The following CDC37 variants were observed in gnomAD, a reference collection of about 807,000 sequenced individuals.
The protein encoded by CDC37 is hsp90 co-chaperone Cdc37.
CDC37 carries 9 observed loss-of-function variants against 46.9 expected under a neutral mutation model. The ratio of observed to expected loss-of-function variants is 0.19; its 90% CI spans 0.12 to 0.33. The LOEUF (loss-of-function observed/expected upper bound fraction) is 0.33. Ranked by LOEUF, CDC37 falls within the 10% of genes least tolerant of loss-of-function variation. CDC37 has a pLI of 1.00. For missense variants in CDC37, 388 were observed against 514.6 expected, an observed-to-expected ratio of 0.75 and a Z score of 2.38; for synonymous variants, 193 against 191.0, an observed-to-expected ratio of 1.01 and a Z score of -0.09.
At chr19:10,394,907 C>T (rs530511183) in intron 5 of CDC37, 114 bp downstream of exon 5, 35 of 1,142,170 alleles carry the variant, frequency 3.1e-5, no homozygotes, top group African/African-American at 1.7e-4. Context: ...ATCTAGGATG[C>T]GGTGACTGGA....
rs777309634 is a variant in CDC37, at chr19:10,393,302, G to A, written c.866C>T (p.Pro289Leu). ...GACCTCGACGGGGTCCAGGCCGCCG[G>A]GGCCGAGCCGCTTCTTGCGCTCCTC... ...EEEERKKRLG[P>L]GGLDPVEVYE... The change falls in exon 6 of 8, where the codon CCC becomes CTC. Residue 289 changes from proline (P) to leucine (L), a missense_variant. This residue lies in a region of CDC37 where 374 missense variants were observed against 467.4 expected (regional missense o/e 0.80). Coordinates refer to ENST00000222005, the MANE Select transcript of CDC37 (RefSeq NM_007065.4). The surrounding 1 kb of genome is among the most constrained non-coding windows in gnomAD (Gnocchi z 4.9). 1 of 1,613,790 alleles carries A rather than the reference G, an allele frequency of 6.2e-7. No individual in the cohort carries two copies. The highest frequency in any genetic ancestry group is 8.5e-7 in the Non-Finnish European group (1 of 1,179,858).
At chr19:10,403,099 G>A (rs2042528561) in intron 1 of CDC37, among the ~76,000 whole-genome samples, 1 of 152,144 alleles carries the variant, frequency 6.6e-6, no homozygotes, top group African/African-American at 2.4e-5. Flanking sequence ...GAACCCCCAA[G>A]ACTCGTCTAG....
In CDC37 at chr19:10,391,685, G is replaced by A. The variant is rs2042457900; in HGVS notation, c.1003C>T (p.Arg335Cys). ...ACCCAGAGGCCAGAGTCAATGCAGC[G>A]CTGCATGTGGTACTTTGCGTCCTGT... ...DPTDAKYHMQRCIDSGLWVPN... is the reference protein window; with the variant it reads ...DPTDAKYHMQCCIDSGLWVPN... Residue 335 changes from arginine (R) to cysteine (C), a missense_variant, in exon 8 of 8, where the codon CGC (arginine) becomes TGC (cysteine). Arg to Cys is a radical substitution (Grantham distance 180). This residue lies in a region of CDC37 where 374 missense variants were observed against 467.4 expected (regional missense o/e 0.80). Coordinates refer to ENST00000222005, the MANE Select transcript of CDC37 (RefSeq NM_007065.4). 3.1e-6 allele frequency: 5 copies of A among 1,613,720 alleles called. No individual in the cohort carries two copies. The highest frequency in any genetic ancestry group is 4.2e-6 in the Non-Finnish European group (5 of 1,179,908).
At chr19:10,391,892 C>G (rs964662732) in intron 7 of CDC37, among the ~76,000 whole-genome samples, 186 bp from the exon 8 acceptor site, 1 of 152,234 alleles carries the variant, frequency 6.6e-6, no homozygotes, top group Non-Finnish European at 1.5e-5. Flanking sequence ...GCAACCTCCA[C>G]CTCCCAGGTT....
At chr19:10,400,771 T>C (rs540145021) in intron 1 of CDC37, 1 of 152,096 alleles carries the variant, frequency 6.6e-6, no homozygotes, top group South Asian at 2.1e-4. Flanking sequence ...CAAATGATCC[T>C]TCTGCCTCAG....
intron 1 of CDC37, among the ~76,000 whole-genome samples, chr19:10,399,056 G>A (rs530408310): frequency 6.6e-6 from 1 of 152,234 alleles, no homozygotes; most frequent in South Asian, 2.1e-4. Flanking sequence ...TGCCTTATCT[G>A]AGGCTGTGTC....
At chr19:10,402,385 C>G (rs1348776903) in intron 1 of CDC37, among the ~76,000 whole-genome samples, 1 of 151,854 alleles carries the variant, frequency 6.6e-6, no homozygotes, top group Non-Finnish European at 1.5e-5. Context: ...AATTTAGAAT[C>G]AGACCAGGAG....
intron 2 of CDC37, 24 bp downstream of exon 2, chr19:10,395,904 G>GGGGC: frequency 1.9e-6 from 3 of 1,541,888 alleles, no homozygotes; most frequent in Non-Finnish European, 2.7e-6. Flanking sequence ...CATGCGCACT[G>GGGGC]CCCGCCCCGC....
chr19:10,395,740 G>GCCCGGGGGGCCCAGCCGGGGCC, intron 2 of CDC37, 188 bp downstream of exon 2: 1 of 632,272 alleles, frequency 1.6e-6, no homozygotes. Flanking sequence ...TGTTTCATCC[G>GCCCGGGGGGCCCAGCCGGGGCC]CCCGGCCCCC....
chr19:10,395,904 G>GGGGCCC, intron 2 of CDC37, 24 bp downstream of exon 2: 1 of 1,541,894 alleles, frequency 6.5e-7, no homozygotes, highest in Non-Finnish European at 8.9e-7. Context: ...CATGCGCACT[G>GGGGCCC]CCCGCCCCGC....
At chr19:10,395,743 C>A in intron 2 of CDC37, 185 bp downstream of exon 2, 1 of 622,930 alleles carries the variant, frequency 1.6e-6, no homozygotes, top group East Asian at 2.8e-5. Flanking sequence ...TTCATCCGCC[C>A]GGCCCCCCAA....
chr19:10,393,121 T>G lies in CDC37; in HGVS notation c.946A>C (p.Met316Leu), dbSNP rs752940863. 4 of 1,613,952 alleles carry G rather than the reference T, an allele frequency of 2.5e-6. No homozygotes were observed. In the South Asian group the frequency reaches 4.4e-5, roughly 18 times the overall value. ...QKCFDVKDVQ[M>L]LQDAISKMDP... ...ATCTTGCTGATGGCGTCCTGCAGCA[T>G]CTGCACGTCCTTCACATCGAAGCAC... Residue 316 changes from methionine (M) to leucine (L), a missense_variant, in exon 7 of 8, where the codon ATG becomes CTG. Coordinates refer to ENST00000222005, the MANE Select transcript of CDC37 (RefSeq NM_007065.4). The surrounding 1 kb of genome is among the most constrained non-coding windows in gnomAD (Gnocchi z 4.9).
rs912996709 is a variant in CDC37, at chr19:10,391,220, G to A, written c.*331C>T. On this transcript the variant is annotated 3_prime_UTR_variant, in exon 8 of 8. Coordinates refer to ENST00000222005, the MANE Select transcript of CDC37 (RefSeq NM_007065.4). ...AGACGAACAGTGAAAACAGAGCCCA[G>A]TGACGAGAGCCGGCCCCTTGGCTGG... The A allele has an allele frequency of 2.7e-6, 1 of 374,266 alleles. No homozygotes were observed. Among genetic ancestry groups the A allele is most frequent in the Non-Finnish European group, 5.0e-6 (1 of 200,984 alleles). 23.2% of individuals were successfully genotyped at this position (374,266 alleles called of 1,614,324 possible). A position where few individuals can be genotyped will look rare whatever the true frequency, so the allele number is the denominator to read the frequency against.
At chr19:10,395,194 G>C (rs780337347) in intron 4 of CDC37, 34 bp downstream of exon 4, 1 of 1,613,336 alleles carries the variant, frequency 6.2e-7, no homozygotes, top group Non-Finnish European at 8.5e-7. Flanking sequence ...TCATGGCAGC[G>C]CCTTTTCACA....
At chr19:10,395,574 G>C in intron 2 of CDC37, 31 bp from the exon 3 acceptor site, 1 of 1,553,734 alleles carries the variant, frequency 6.4e-7, no homozygotes, top group Non-Finnish European at 8.9e-7. Flanking sequence ...GAGTGGGCTG[G>C]GGCAAGGCTG....
rs1399983221 is a variant in CDC37, at chr19:10,396,787, C to T, written c.103-584G>A. On this transcript the variant is annotated intron_variant, in intron 1 of 7. Coordinates refer to ENST00000222005, the MANE Select transcript of CDC37 (RefSeq NM_007065.4). This position sits in a 1 kb window ranked among gnomAD's most constrained non-coding sequence, Gnocchi z 5.9. ...GGTTTGCCATGTTGCCCAGGCTGGT[C>T]TTGAAGTCCTGGGTTCAAGCGATCC... Among the ~76,000 whole-genome samples the T allele has an allele frequency of 6.6e-6, 1 of 152,100 alleles. No individual in the cohort carries two copies. Among genetic ancestry groups the T allele is most frequent in the Non-Finnish European group, 1.5e-5 (1 of 68,000 alleles).
rs2042494274 is a variant in CDC37 at position 10,396,708 on chromosome 19, C to A, written c.103-505G>T. Among the ~76,000 whole-genome samples, 2 of 152,154 alleles carry A rather than the reference C, an allele frequency of 1.3e-5. No homozygotes were observed. Among genetic ancestry groups the A allele is most frequent in the Non-Finnish European group, 1.5e-5 (1 of 68,014 alleles). On this transcript the variant is annotated intron_variant, in intron 1 of 7. Transcript: ENST00000222005. This position sits in a 1 kb window ranked among gnomAD's most constrained non-coding sequence, Gnocchi z 5.9. ...ACCTCAGTCTCCCAAGTAGCTGGGA[C>A]TACAGGTGTGCACCAGCACGCCCAG...
rs1384193566 is a variant in CDC37, at chr19:10,398,327, G to C, written c.103-2124C>G. ...ATGTGCGGTTCCCTTACCTGCTTTTGCACCCAAAACTCAGCTTCAACAGAG... is the reference window on the plus strand; with the variant it reads ...ATGTGCGGTTCCCTTACCTGCTTTTCCACCCAAAACTCAGCTTCAACAGAG... On this transcript the variant is annotated intron_variant, in intron 1 of 7. Transcript: ENST00000222005. This position sits in a 1 kb window ranked among gnomAD's most constrained non-coding sequence, Gnocchi z 4.2. 1.3e-5 allele frequency among the ~76,000 whole-genome samples: 2 copies of C among 152,134 alleles called. No homozygotes were observed. The highest frequency in any genetic ancestry group is 4.8e-5 in the African/African-American group (2 of 41,426).
rs2042531886 is a variant in CDC37, at chr19:10,403,516, G to A, written c.-37C>T. ...GGCCCAGCCCGCTCCGGCTCGGGTG[G>A]CGGCGACGGCGGCAGCAGTGGAGAC... is the stretch of plus-strand genomic sequence containing the variant. On this transcript the variant is annotated 5_prime_UTR_variant, in exon 1 of 8. Coordinates refer to ENST00000222005, the MANE Select transcript of CDC37 (RefSeq NM_007065.4). 1 of 1,501,146 alleles carries A rather than the reference G, an allele frequency of 6.7e-7. No individual in the cohort carries two copies. Among genetic ancestry groups the A allele is most frequent in the Non-Finnish European group, 9.2e-7 (1 of 1,084,308 alleles). 93.0% of individuals were successfully genotyped at this position (1,501,146 alleles called of 1,614,324 possible).
Sources: allele counts gnomAD v4.1 joint callset (sites outside exome capture counted in the v4.1 genomes callset), GRCh38; gene constraint gnomAD v4.1.1; regional missense constraint gnomAD v4.1.1; non-coding constraint Gnocchi (gnomAD v3.1); transcripts MANE v1.5; gene names NCBI Gene and HGNC (gene_info 2026-07-23, HGNC 2026-07-21).